Variants in UBR3 observed in about 807,000 individuals in gnomAD.
The protein encoded by UBR3 is E3 ubiquitin-protein ligase UBR3.
UBR3 carries 85 observed loss-of-function variants against 243.2 expected under a neutral mutation model. The ratio of observed to expected loss-of-function variants is 0.35; its 90% CI spans 0.29 to 0.42. The LOEUF (loss-of-function observed/expected upper bound fraction) is 0.42, where lower values mean the gene tolerates loss of function less well. Among genes scored for constraint, UBR3 ranks in the 10% least tolerant of loss-of-function variants. The pLI is 1.00. For synonymous variants in UBR3, 748 were observed against 799.8 expected, an observed-to-expected ratio of 0.94 and a Z score of 1.09; for missense variants, 1,686 against 2,300.8, an observed-to-expected ratio of 0.73 and a Z score of 5.47.
chr2:169,829,509 C>G (rs1382618938), intron 1 of UBR3, among the ~76,000 whole-genome samples: 5 of 150,956 alleles, frequency 3.3e-5, no homozygotes, highest in Non-Finnish European at 7.4e-5. Flanking sequence ...CTGAAACCTC[C>G]GCCCCCTGGG....
At chr2:169,843,377 A>G (rs145152116) in intron 1 of UBR3, among the ~76,000 whole-genome samples, 5 of 152,344 alleles carry the variant, frequency 3.3e-5, no homozygotes, top group African/African-American at 1.2e-4. Flanking sequence ...GTGTCCTCAT[A>G]TGGTGGAAGA....
intron 11 of UBR3, among the ~76,000 whole-genome samples, chr2:169,920,237 G>T (rs915781817): frequency 6.6e-6 from 1 of 152,106 alleles, no homozygotes; most frequent in Non-Finnish European, 1.5e-5. Context: ...AACACCGCAT[G>T]TTCTCACTCA....
intron 24 of UBR3, among the ~76,000 whole-genome samples, chr2:169,983,660 T>C (rs1173397556): frequency 6.6e-6 from 1 of 152,158 alleles, no homozygotes; most frequent in Non-Finnish European, 1.5e-5. Context: ...TATCACATTG[T>C]GAAGAGCATG....
At chr2:169,964,572 C>A in intron 24 of UBR3, 2 of 406,374 alleles carry the variant, frequency 4.9e-6, no homozygotes, top group South Asian at 3.8e-5. Flanking sequence ...AAATGGGAAG[C>A]TCAGGCAGAT....
At chr2:170,069,237 G>C (rs1476384260) in intron 35 of UBR3, among the ~76,000 whole-genome samples, 1 of 152,040 alleles carries the variant, frequency 6.6e-6, no homozygotes, top group Non-Finnish European at 1.5e-5. Flanking sequence ...ATTAGCAATA[G>C]AAAGGATAGT....
intron 38 of UBR3, 88 bp from the exon 39 acceptor site, chr2:170,081,638 G>A: frequency 3.0e-6 from 3 of 1,009,886 alleles, no homozygotes; most frequent in Non-Finnish European, 4.2e-6. Flanking sequence ...TGCACTGCGA[G>A]AGACTGTCTC....
rs904958261 is a variant in UBR3, at chr2:170,073,556, G to A, written c.5148G>A (p.Gln1716=). 4.3e-6 allele frequency: 7 copies of A among 1,613,394 alleles called. No homozygotes were observed. The African/African-American group carries it at 9.4e-5, about 22-fold the overall frequency. Residue 1716 remains glutamine, a synonymous_variant, in exon 36 of 39, where the codon CAG becomes CAA. Coordinates refer to ENST00000272793, the MANE Select transcript of UBR3 (RefSeq NM_172070.4). ...WPVPAFDIIT[Q]WCFEIKSFTE... ...TTCCAGCATTTGATATTATAACTCA[G>A]TGGTGTTTTGAGATAAAATCATTTA...
intron 25 of UBR3, among the ~76,000 whole-genome samples, chr2:169,992,899 T>C (rs1008163914): frequency 6.6e-6 from 1 of 152,154 alleles, no homozygotes; most frequent in Non-Finnish European, 1.5e-5. Flanking sequence ...TAGCTGGGAT[T>C]ACAGGTGTGC....
intron 1 of UBR3, among the ~76,000 whole-genome samples, chr2:169,851,598 G>T (rs978679329): frequency 1.3e-5 from 2 of 152,144 alleles, no homozygotes; most frequent in African/African-American, 4.8e-5. Context: ...AGGCACGGTG[G>T]CTCATGCCTG....
chr2:170,077,981 G>A, intron 36 of UBR3: 2 of 622,166 alleles, frequency 3.2e-6, no homozygotes, highest in Admixed American at 4.6e-5. Context: ...TTTCATTTCG[G>A]CTTAATCATA....
chr2:169,911,547 G>A (rs1341819893), intron 10 of UBR3, among the ~76,000 whole-genome samples: 1 of 152,094 alleles, frequency 6.6e-6, no homozygotes, highest in East Asian at 1.9e-4. Context: ...TTTGGGGGTT[G>A]AGGGGTGGTA....
At chr2:169,996,920 C>T (rs1404420986) in intron 26 of UBR3, among the ~76,000 whole-genome samples, 3 of 151,566 alleles carry the variant, frequency 2.0e-5, no homozygotes, top group Admixed American at 1.3e-4. Flanking sequence ...AGGATGGTCT[C>T]GATCTCTTGA....
intron 1 of UBR3, among the ~76,000 whole-genome samples, chr2:169,870,177 A>T (rs949315001): frequency 3.9e-5 from 6 of 152,262 alleles, no homozygotes; most frequent in Non-Finnish European, 5.9e-5. Flanking sequence ...GCATTTAAAT[A>T]ATAGTAAATT....
chr2:169,887,902 G>A (rs1358521172), intron 5 of UBR3, among the ~76,000 whole-genome samples: 2 of 150,726 alleles, frequency 1.3e-5, no homozygotes, highest in Non-Finnish European at 3.0e-5. Flanking sequence ...TTAGCCTCCC[G>A]AGTAGCTGGG....
intron 27 of UBR3, among the ~76,000 whole-genome samples, chr2:170,006,614 T>C (rs2089921607): frequency 6.6e-6 from 1 of 152,190 alleles, no homozygotes; most frequent in African/African-American, 2.4e-5. Flanking sequence ...CAGTAGTCAG[T>C]TACAGATTAT....
chr2:169,857,600 T>TA (rs1407775525), intron 1 of UBR3, among the ~76,000 whole-genome samples: 29 of 143,222 alleles, frequency 2.0e-4, no homozygotes, highest in Admixed American at 4.2e-4. Flanking sequence ...TTTTTTTTTT[T>TA]ATTTTTAGTA....
At chr2:170,054,573 C>T (rs1264843446) in intron 32 of UBR3, among the ~76,000 whole-genome samples, 3 of 152,078 alleles carry the variant, frequency 2.0e-5, no homozygotes. Flanking sequence ...TGAGCCACCG[C>T]CCCTGGCCAC....
At chr2:169,849,048 A>G (rs956362369) in intron 1 of UBR3, among the ~76,000 whole-genome samples, 1 of 152,230 alleles carries the variant, frequency 6.6e-6, no homozygotes, top group Admixed American at 6.5e-5. Flanking sequence ...ATATATTTAT[A>G]CTCACCAGAC....
At chr2:169,973,923 A>C (rs578190630) in intron 24 of UBR3, among the ~76,000 whole-genome samples, 1 of 152,252 alleles carries the variant, frequency 6.6e-6, no homozygotes, top group South Asian at 2.1e-4. Flanking sequence ...AATTTTGTCA[A>C]ATGCTTTTTC....
Sources: gnomAD v4.1 joint callset for allele counts (sites outside exome capture counted in the v4.1 genomes callset) on GRCh38, gnomAD v4.1.1 for gene constraint, MANE v1.5 for transcripts, NCBI Gene and HGNC (gene_info 2026-07-23, HGNC 2026-07-21) for gene names.